Variants in RHBDD1 observed in about 807,000 individuals in gnomAD.
The protein encoded by RHBDD1 is rhomboid-related protein 4.
Under a neutral mutation model 36.3 loss-of-function variants are expected in RHBDD1, and 38 were observed. The ratio of observed to expected loss-of-function variants is 1.05; its 90% CI spans 0.81 to 1.37. The LOEUF is 1.37. Among genes scored for constraint, RHBDD1 ranks in the 40% most tolerant of loss-of-function variants. The probability of loss-of-function intolerance (pLI) is 0.00; values close to 1 mark genes in which losing one functional copy is unlikely to be tolerated. For synonymous variants in RHBDD1, 151 were observed against 136.5 expected (o/e 1.11, Z -0.74); for missense variants, 393 against 377.6 (o/e 1.04, Z -0.34).
intron 7 of RHBDD1, among the ~76,000 whole-genome samples, chr2:226,912,092 C>T (rs1948559735): frequency 6.6e-6 from 1 of 152,100 alleles, no homozygotes; most frequent in African/African-American, 2.4e-5. Context: ...AGAAGATACA[C>T]ACATGGCCAA....
chr2:226,830,299 A>T, the RHBDD1 span, among the ~76,000 whole-genome samples: 3,324 of 152,254 alleles, frequency 0.022, 69 homozygotes, highest in Non-Finnish European at 0.029. Flanking sequence ...ACACAGCAAG[A>T]GGGTGCTGTC....
At chr2:226,913,888 GA>G (rs1280110494) in intron 7 of RHBDD1, among the ~76,000 whole-genome samples, 1 of 152,092 alleles carries the variant, frequency 6.6e-6, no homozygotes, top group Non-Finnish European at 1.5e-5. Context: ...TCCAAGTATT[GA>G]ATAGCTCTAA....
At chr2:226,827,499 T>C in the RHBDD1 span, among the ~76,000 whole-genome samples, 1 of 152,216 alleles carries the variant, frequency 6.6e-6, no homozygotes. Flanking sequence ...ATTACCATAA[T>C]GATTCCTCAA....
intron 8 of RHBDD1, among the ~76,000 whole-genome samples, chr2:226,925,098 C>T (rs767715966): frequency 2.6e-5 from 4 of 152,224 alleles, no homozygotes; most frequent in Non-Finnish European, 5.9e-5. Flanking sequence ...CATCTCACCA[C>T]ATTTAATGTT....
chr2:226,884,442 T>G (rs13405608), intron 5 of RHBDD1, among the ~76,000 whole-genome samples: 1,638 of 152,242 alleles, frequency 0.011, 26 homozygotes, highest in South Asian at 0.043. Flanking sequence ...ATATGAGAGA[T>G]AAAATAATTT....
At chr2:226,813,245 G>T in the RHBDD1 span, among the ~76,000 whole-genome samples, 1 of 152,184 alleles carries the variant, frequency 6.6e-6, no homozygotes, top group Non-Finnish European at 1.5e-5. Context: ...TTTGTGCCAG[G>T]TACTTAGATT....
chr2:226,932,297 T>G (rs928365696), intron 8 of RHBDD1, among the ~76,000 whole-genome samples: 3 of 152,150 alleles, frequency 2.0e-5, no homozygotes, highest in African/African-American at 7.2e-5. Flanking sequence ...CTGCTGTTGT[T>G]GGATAGAATG....
intron 3 of RHBDD1, among the ~76,000 whole-genome samples, chr2:226,856,516 C>T (rs915092832): frequency 7.9e-5 from 12 of 152,048 alleles, no homozygotes; most frequent in African/African-American, 2.9e-4. Flanking sequence ...TGTTCTCATC[C>T]ATTGGCTCTA....
At chr2:226,837,077 A>G (rs753277198) in intron 1 of RHBDD1, among the ~76,000 whole-genome samples, 3 of 152,218 alleles carry the variant, frequency 2.0e-5, no homozygotes, top group Non-Finnish European at 4.4e-5. Flanking sequence ...CCTGGACGCT[A>G]AAGTTTGAGA....
chr2:226,867,448 A>G, intron 5 of RHBDD1, 130 bp downstream of exon 5: 1 of 1,223,998 alleles, frequency 8.2e-7, no homozygotes, highest in Non-Finnish European at 1.1e-6. Context: ...GGACAGAATC[A>G]AGCTTAATAG....
At chr2:226,897,841 T>G (rs915182416) in intron 5 of RHBDD1, among the ~76,000 whole-genome samples, 4 of 152,046 alleles carry the variant, frequency 2.6e-5, no homozygotes. Context: ...TAGCTGGGTG[T>G]GTTGGCATGC....
chr2:226,857,893 G>T (rs1943486115), intron 3 of RHBDD1, among the ~76,000 whole-genome samples: 1 of 152,114 alleles, frequency 6.6e-6, no homozygotes, highest in Non-Finnish European at 1.5e-5. Flanking sequence ...ACACTGAATT[G>T]TGCTCCTTAA....
chr2:226,942,500 G>C, intron 8 of RHBDD1: 1 of 331,528 alleles, frequency 3.0e-6, no homozygotes, highest in Non-Finnish European at 5.9e-6. Flanking sequence ...TGGCCTCCCA[G>C]AGTGCTGGGA....
chr2:226,929,070 A>G (rs1448664158), intron 8 of RHBDD1, among the ~76,000 whole-genome samples: 1 of 152,198 alleles, frequency 6.6e-6, no homozygotes, highest in Admixed American at 6.5e-5. Flanking sequence ...ATTCTACCAG[A>G]CATTCAAAGA....
At chr2:226,940,256 A>G (rs899571125) in intron 8 of RHBDD1, among the ~76,000 whole-genome samples, 4 of 152,228 alleles carry the variant, frequency 2.6e-5, no homozygotes, top group Non-Finnish European at 5.9e-5. Context: ...CAAAGATTTC[A>G]TGATGAAGAT....
chr2:226,898,634 C>T (rs1947326034), intron 5 of RHBDD1, among the ~76,000 whole-genome samples: 1 of 152,168 alleles, frequency 6.6e-6, no homozygotes, highest in African/African-American at 2.4e-5. Context: ...GGACAGAAAA[C>T]AAGAAGTTTA....
rs572777975 is a variant in RHBDD1 at position 226,901,356 on chromosome 2, A to G, written c.567-5437A>G. Among the ~76,000 whole-genome samples, 263 of 152,264 alleles carry G rather than the reference A, an allele frequency of 1.7e-3. 1 individual carries two copies. Among genetic ancestry groups the G allele is most frequent in the Non-Finnish European group, 2.1e-3 (146 of 68,014 alleles). ...ATGTAATGAATATGGGAGTGCAGAT[A>G]TCTCTTTGAAATACTAATTTCAGTT... On this transcript the variant is annotated intron_variant, in intron 5 of 8. Coordinates refer to ENST00000392062, the MANE Select transcript of RHBDD1 (RefSeq NM_001167608.3).
chr2:226,944,878 G>C (rs1950872044), intron 8 of RHBDD1, among the ~76,000 whole-genome samples: 1 of 152,068 alleles, frequency 6.6e-6, no homozygotes, highest in African/African-American at 2.4e-5. Flanking sequence ...GTTTCCCCTT[G>C]AATGTGATGA....
chr2:226,997,952 A>G lies in RHBDD1; in HGVS notation c.*2430A>G, dbSNP rs1222123064. On this transcript the variant is annotated 3_prime_UTR_variant, in exon 9 of 9. Transcript: ENST00000392062. ...AGGAATCCCTAAAGTTATGCCAACAAACTGGAATTGGATTGAGAAAGACAA... is the reference window on the plus strand; with the variant it reads ...AGGAATCCCTAAAGTTATGCCAACAGACTGGAATTGGATTGAGAAAGACAA... 1 of 152,224 alleles carries G rather than the reference A, an allele frequency of 6.6e-6. No individual in the cohort carries two copies. The highest frequency in any genetic ancestry group is 2.4e-5 in the African/African-American group (1 of 41,464). 9.4% of individuals were successfully genotyped at this position (152,224 alleles called of 1,614,324 possible). A position where few individuals can be genotyped will look rare whatever the true frequency, so the allele number is the denominator to read the frequency against.
Sources: allele counts gnomAD v4.1 joint callset (sites outside exome capture counted in the v4.1 genomes callset), GRCh38; gene constraint gnomAD v4.1.1; transcripts MANE v1.5; gene names NCBI Gene and HGNC (gene_info 2026-07-23, HGNC 2026-07-21).